Variants in IFT74 observed in about 807,000 individuals in gnomAD.
The protein encoded by IFT74 is intraflagellar transport 74, also known as intraflagellar transport protein 74 homolog.
A neutral mutation model predicts 96.7 loss-of-function variants in IFT74; 92 were observed. That is an observed-to-expected ratio of 0.95 (90% CI 0.80 to 1.13). The LOEUF (loss-of-function observed/expected upper bound fraction) is 1.13. IFT74 is among the 50% of genes most tolerant of loss of function. IFT74 has a pLI of 0.00. For synonymous variants in IFT74, 223 were observed against 213.2 expected, an observed-to-expected ratio of 1.05 and a Z score of -0.40; for missense variants, 811 against 698.2, an observed-to-expected ratio of 1.16 and a Z score of -1.82.
chr9:26,996,218 C>A, intron 8 of IFT74: 1 of 809,110 alleles, frequency 1.2e-6, no homozygotes, highest in Non-Finnish European at 1.8e-6. Context: ...CTTTCTTTTA[C>A]ATTTTTTATA....
intron 16 of IFT74, among the ~76,000 whole-genome samples, chr9:27,052,013 C>A (rs1334459287): frequency 6.6e-6 from 1 of 152,036 alleles, no homozygotes; most frequent in African/African-American, 2.4e-5. Flanking sequence ...GTATTTTAGA[C>A]CTTCATGCCT....
chr9:26,962,277 A>G (rs992373717), intron 2 of IFT74, among the ~76,000 whole-genome samples, 190 bp downstream of exon 2: 1 of 152,198 alleles, frequency 6.6e-6, no homozygotes, highest in Non-Finnish European at 1.5e-5. Context: ...CCCCTCTGTA[A>G]TAAGAGATTC....
chr9:26,998,877 C>T (rs910918126), intron 8 of IFT74, among the ~76,000 whole-genome samples: 2 of 151,954 alleles, frequency 1.3e-5, no homozygotes, highest in African/African-American at 4.8e-5. Flanking sequence ...ACCTGTAATC[C>T]CAGCTACTTG....
chr9:27,020,403 T>C (rs1829542099), intron 12 of IFT74, among the ~76,000 whole-genome samples: 1 of 152,030 alleles, frequency 6.6e-6, no homozygotes. Flanking sequence ...TATATTCTTA[T>C]GGCTAAGAGA....
intron 13 of IFT74, chr9:27,036,707 C>A: frequency 7.7e-7 from 1 of 1,303,434 alleles, no homozygotes; most frequent in Non-Finnish European, 9.7e-7. Context: ...TCCTAAAAAT[C>A]AATTATATGG....
rs539104098 is a variant in IFT74 at position 27,012,278 on chromosome 9, G to A, written c.789+310G>A. ...TTCTTTGTCACTCAGGCTAGAGTGCGGTGACATGATCGTAGCTCACTGTAA... is the reference window on the plus strand; with the variant it reads ...TTCTTTGTCACTCAGGCTAGAGTGCAGTGACATGATCGTAGCTCACTGTAA... On this transcript the variant is annotated intron_variant, in intron 10 of 19. Coordinates refer to ENST00000380062, the MANE Select transcript of IFT74 (RefSeq NM_025103.4). Among the ~76,000 whole-genome samples the A allele has an allele frequency of 7.9e-5, 12 of 152,230 alleles. No individual in the cohort carries two copies. The East Asian group carries it at 1.5e-3, about 20-fold the overall frequency.
intron 10 of IFT74, among the ~76,000 whole-genome samples, chr9:27,015,236 C>A (rs757237118): frequency 2.0e-5 from 3 of 152,054 alleles, no homozygotes; most frequent in Non-Finnish European, 4.4e-5. Flanking sequence ...TTATCTGATG[C>A]CTAATCTGTT....
intron 8 of IFT74, 64 bp from the exon 9 acceptor site, chr9:27,008,956 A>G: frequency 7.7e-7 from 1 of 1,302,526 alleles, no homozygotes; most frequent in South Asian, 1.4e-5. Context: ...CATGACTTGT[A>G]TAAAATAATT....
chr9:26,995,820 A>C, intron 8 of IFT74: 1 of 1,605,406 alleles, frequency 6.2e-7, no homozygotes, highest in Non-Finnish European at 8.5e-7. Flanking sequence ...CCAACAAGAA[A>C]AGCCCAACTT....
chr9:27,055,736 G>A lies in IFT74; in HGVS notation c.1461G>A (p.Leu487=), dbSNP rs1238119044. The A allele has an allele frequency of 6.4e-7, 1 of 1,563,314 alleles. No homozygotes were observed. Among genetic ancestry groups the A allele is most frequent in the South Asian group, 1.2e-5 (1 of 81,208 alleles). ...MTTDLEIYND[L]PALKSSGEEK... is the part of the protein sequence containing the mutation. ...CTGATCTGGAGATATATAATGATTTGCCAGCTTTAAAATCATCAGGTGAAG... is the reference window on the plus strand; with the variant it reads ...CTGATCTGGAGATATATAATGATTTACCAGCTTTAAAATCATCAGGTGAAG... The change falls in exon 17 of 20, where the codon TTG becomes TTA. Residue 487 remains leucine, a synonymous_variant. Coordinates refer to ENST00000380062, the MANE Select transcript of IFT74 (RefSeq NM_025103.4).
intron 13 of IFT74, among the ~76,000 whole-genome samples, chr9:27,030,054 G>C (rs1830051682): frequency 6.6e-6 from 1 of 152,050 alleles, no homozygotes; most frequent in African/African-American, 2.4e-5. Context: ...TGTTATTTAT[G>C]GTTAAAGGAG....
At chr9:26,953,026 T>C (rs1313682518), upstream of IFT74, among the ~76,000 whole-genome samples, 1 of 152,094 alleles carries the variant, frequency 6.6e-6, no homozygotes, top group Non-Finnish European at 1.5e-5. Flanking sequence ...GGGAAAAAAA[T>C]AGAAACATTG....
At chr9:26,969,132 T>C (rs1449620410) in intron 2 of IFT74, among the ~76,000 whole-genome samples, 1 of 152,108 alleles carries the variant, frequency 6.6e-6, no homozygotes, top group Non-Finnish European at 1.5e-5. Context: ...GTTTCAAGAG[T>C]TTTAAAAAAT....
chr9:27,047,238 T>G (rs1687185864), intron 14 of IFT74, 36 bp from the exon 15 acceptor site: 1 of 1,241,280 alleles, frequency 8.1e-7, no homozygotes, highest in African/African-American at 1.5e-5. Flanking sequence ...GTTAACTCTA[T>G]CAGCAGTAAT....
intron 10 of IFT74, among the ~76,000 whole-genome samples, chr9:27,013,845 A>G (rs879377080): frequency 1.1e-4 from 16 of 152,244 alleles, no homozygotes; most frequent in Non-Finnish European, 2.1e-4. Context: ...CTGACACCCT[A>G]GCTTGCAAAA....
At chr9:26,956,010 G>GATGTGTA (rs1416010199), upstream of IFT74, 1 of 152,178 alleles carries the variant, frequency 6.6e-6, no homozygotes, top group Non-Finnish European at 1.5e-5. Flanking sequence ...TGTACGCTAT[G>GATGTGTA]CCGTCCTAAT....
At chr9:26,952,280 C>CTTTTTTTTTTTTTTTTTTTTTTATTT (rs201440207), upstream of IFT74, among the ~76,000 whole-genome samples, 1 of 141,656 alleles carries the variant, frequency 7.1e-6, no homozygotes, top group Non-Finnish European at 1.5e-5. Flanking sequence ...TTTTTTTAAC[C>CTTTTTTTTTTTTTTTTTTTTTTATTT]TTTTTTTTTT....
chr9:26,976,836 G>T, intron 2 of IFT74: 1 of 453,116 alleles, frequency 2.2e-6, no homozygotes, highest in South Asian at 1.6e-5. Flanking sequence ...TCCTGAGGTC[G>T]TATAGTGTTA....
In IFT74 at chr9:26,950,005, G is replaced by T. The variant is rs542828141; in HGVS notation, c.-20+2859G>T. On this transcript the variant is annotated intron_variant, in intron 1 of 19. Coordinates refer to the IFT74 transcript ENST00000433700. ...CTGGTTACGTGACTCCAGGGCAGGA[G>T]GCTCTATAGAAAAGCAAGCTAATTA... Among the ~76,000 whole-genome samples the T allele has an allele frequency of 9.7e-4, 148 of 151,960 alleles. 1 individual carries two copies. Among genetic ancestry groups the T allele is most frequent in the Middle Eastern group, 6.8e-3 (2 of 294 alleles).
Sources: gnomAD v4.1 joint callset for allele counts (sites outside exome capture counted in the v4.1 genomes callset) on GRCh38, gnomAD v4.1.1 for gene constraint, MANE v1.5 for transcripts, NCBI Gene and HGNC (gene_info 2026-07-23, HGNC 2026-07-21) for gene names.